The following ERO1B variants were observed in gnomAD, a reference collection of about 807,000 sequenced individuals.
The protein encoded by ERO1B is ERO1-like protein beta.
Under a neutral mutation model 75.3 loss-of-function variants are expected in ERO1B, and 49 were observed. The ratio of observed to expected loss-of-function variants is 0.65; its 90% CI spans 0.52 to 0.83. The LOEUF (loss-of-function observed/expected upper bound fraction) is 0.83, where lower values mean the gene tolerates loss of function less well. Ranked by LOEUF, ERO1B falls within the 40% of genes least tolerant of loss-of-function variation. ERO1B has a pLI of 0.00. For missense variants in ERO1B, 512 were observed against 560.1 expected (o/e 0.91, Z 0.87); for synonymous variants, 191 against 192.9 (o/e 0.99, Z 0.08).
intron 13 of ERO1B, among the ~76,000 whole-genome samples, chr1:236,223,810 A>G (rs968375435): frequency 1.3e-5 from 2 of 152,238 alleles, no homozygotes; most frequent in Non-Finnish European, 2.9e-5. Flanking sequence ...AAAATGAATT[A>G]ACATACAAAA....
intron 2 of ERO1B, among the ~76,000 whole-genome samples, chr1:236,259,191 A>G (rs770527931): frequency 6.6e-6 from 1 of 152,210 alleles, no homozygotes; most frequent in Non-Finnish European, 1.5e-5. Context: ...TACTAACACA[A>G]GATGTATGTA....
chr1:236,263,927 T>C (rs759080918), intron 2 of ERO1B, among the ~76,000 whole-genome samples: 4 of 151,774 alleles, frequency 2.6e-5, no homozygotes, highest in South Asian at 2.1e-4. Context: ...CCTGGCTTCA[T>C]TGCTAATGTA....
intron 14 of ERO1B, 103 bp from the exon 15 acceptor site, chr1:236,221,068 A>C: frequency 2.3e-6 from 2 of 875,742 alleles, no homozygotes; most frequent in Non-Finnish European, 3.2e-6. Flanking sequence ...TAGGAAATTC[A>C]TATGAACTGA....
At position 236,243,502 on chromosome 1, in the gene ERO1B, GA is replaced by G; in HGVS notation, c.432-8del. 1 of 1,585,764 alleles carries G rather than the reference GA, an allele frequency of 6.3e-7. No individual in the cohort carries two copies. The highest frequency in any genetic ancestry group is 1.8e-4 in the Middle Eastern group (1 of 5,484). ...AGCTTCTTTGCTTTGATTACTATGG[GA>G]AGGAGGAATAAAAAAGAAAAATTAT... On this transcript the variant is annotated splice_polypyrimidine_tract_variant and splice_region_variant and intron_variant, in intron 5 of 15. Transcript: ENST00000354619.
chr1:236,245,575 TATATA>T (rs1384918011), intron 5 of ERO1B, among the ~76,000 whole-genome samples: 7 of 7,110 alleles, frequency 9.8e-4, no homozygotes, highest in African/African-American at 2.1e-3. Flanking sequence ...TATATATATA[TATATA>T]TTTTTTTTTT....
chr1:236,279,513 A>AAAAAAAAAAAAC (rs1665778859), intron 1 of ERO1B, among the ~76,000 whole-genome samples: 1 of 144,234 alleles, frequency 6.9e-6, no homozygotes, highest in Non-Finnish European at 1.5e-5. Flanking sequence ...TCAAAAAAAA[A>AAAAAAAAAAAAC]AAAAAAACAG....
intron 2 of ERO1B, among the ~76,000 whole-genome samples, chr1:236,255,094 T>TCTTC (rs1315382169): frequency 7.2e-6 from 1 of 138,338 alleles, no homozygotes; most frequent in African/African-American, 2.6e-5. Flanking sequence ...CTAATTTTTT[T>TCTTC]TTTCTTTCTT....
chr1:236,269,007 G>A (rs1665529942), intron 2 of ERO1B, among the ~76,000 whole-genome samples: 1 of 152,204 alleles, frequency 6.6e-6, no homozygotes, highest in African/African-American at 2.4e-5. Flanking sequence ...GGCTGAGGCA[G>A]GTGGATGACC....
chr1:236,244,493 A>C (rs1221525579), intron 5 of ERO1B, among the ~76,000 whole-genome samples: 1 of 152,238 alleles, frequency 6.6e-6, no homozygotes. Flanking sequence ...TGCCATAAAC[A>C]ATAATGCCTA....
At chr1:236,257,575 A>G (rs1665187178) in intron 2 of ERO1B, among the ~76,000 whole-genome samples, 3 of 151,836 alleles carry the variant, frequency 2.0e-5, no homozygotes, top group African/African-American at 4.8e-5. Flanking sequence ...AAAAAAAAGA[A>G]CAAGACAATC....
chr1:236,235,644 T>C, intron 8 of ERO1B, 145 bp downstream of exon 8: 1 of 672,130 alleles, frequency 1.5e-6, no homozygotes. Flanking sequence ...ATCTCGAGAC[T>C]CGACTATGAA....
At chr1:236,236,898 C>A (rs1664560094) in intron 6 of ERO1B, among the ~76,000 whole-genome samples, 2 of 152,034 alleles carry the variant, frequency 1.3e-5, no homozygotes, top group Admixed American at 6.6e-5. Context: ...ACTTTGTGAT[C>A]CAAATCTGAT....
intron 2 of ERO1B, among the ~76,000 whole-genome samples, chr1:236,264,750 C>T (rs1295796729): frequency 1.3e-5 from 2 of 151,984 alleles, no homozygotes; most frequent in Admixed American, 6.6e-5. Context: ...AGCCCTGAGG[C>T]AGGAGAATCA....
intron 13 of ERO1B, among the ~76,000 whole-genome samples, chr1:236,224,202 C>T (rs914508704): frequency 2.0e-5 from 3 of 152,274 alleles, no homozygotes; most frequent in East Asian, 1.9e-4. Context: ...TATATTCTTA[C>T]ACCAGTTTAG....
intron 6 of ERO1B, among the ~76,000 whole-genome samples, chr1:236,237,804 G>A (rs1379278091): frequency 1.3e-5 from 2 of 152,138 alleles, no homozygotes; most frequent in African/African-American, 2.4e-5. Flanking sequence ...GATCACAAGG[G>A]CAAAACAGCA....
chr1:236,249,025 C>CT (rs11367113), intron 5 of ERO1B, among the ~76,000 whole-genome samples: 3,521 of 118,112 alleles, frequency 0.03, 101 homozygotes, highest in African/African-American at 0.07. Flanking sequence ...AAATACAAAT[C>CT]TTTTTTTTTT....
intron 8 of ERO1B, among the ~76,000 whole-genome samples, chr1:236,233,251 G>C (rs1664457504): frequency 2.0e-5 from 3 of 151,230 alleles, no homozygotes; most frequent in African/African-American, 7.3e-5. Context: ...GGAGGTTTCA[G>C]TGAGCCAAGA....
At chr1:236,259,579 G>A (rs1455731769) in intron 2 of ERO1B, among the ~76,000 whole-genome samples, 1 of 152,130 alleles carries the variant, frequency 6.6e-6, no homozygotes, top group East Asian at 1.9e-4. Context: ...CAAAAGAGCA[G>A]GGGTAGCTAT....
At chr1:236,253,548 T>C (rs375101043) in intron 2 of ERO1B, 43 bp from the exon 3 acceptor site, 7 of 1,304,786 alleles carry the variant, frequency 5.4e-6, no homozygotes, top group Admixed American at 3.7e-5. Context: ...ATTATAGTTA[T>C]GGGGTGCTCT....
Sources: allele counts gnomAD v4.1 joint callset (sites outside exome capture counted in the v4.1 genomes callset), GRCh38; gene constraint gnomAD v4.1.1; transcripts MANE v1.5; gene names NCBI Gene and HGNC (gene_info 2026-07-23, HGNC 2026-07-21).